CNP: variants seen among roughly 807,000 people sequenced by gnomAD.
CNP encodes the protein 2',3'-cyclic-nucleotide 3'-phosphodiesterase.
CNP carries 8 observed loss-of-function variants against 37.9 expected under a neutral mutation model. That is an observed-to-expected ratio of 0.21 (90% CI 0.12 to 0.38). The LOEUF is 0.38. Ranked by LOEUF, CNP falls within the 10% of genes least tolerant of loss-of-function variation. The pLI is 1.00. For missense variants in CNP, 457 were observed against 551.0 expected, an observed-to-expected ratio of 0.83 and a Z score of 1.71; for synonymous variants, 237 against 238.3, an observed-to-expected ratio of 0.99 and a Z score of 0.05.
At position 41,976,636 on chromosome 17, in the gene CNP, C is replaced by T. The variant is rs1204739083; in HGVS notation, c.*2712C>T. 7 of 1,510,442 alleles carry T rather than the reference C, an allele frequency of 4.6e-6. No individual in the cohort carries two copies. The Admixed American group carries it at 1.2e-4, about 26-fold the overall frequency. 93.6% of individuals were successfully genotyped at this position (1,510,442 alleles called of 1,614,324 possible). ...TGAGAAAACGAAACTGCTCTAAGCACACGGAGACGTGATGAAGGGAGGAGG... is the reference window on the plus strand; with the variant it reads ...TGAGAAAACGAAACTGCTCTAAGCATACGGAGACGTGATGAAGGGAGGAGG... On this transcript the variant is annotated 3_prime_UTR_variant, in exon 4 of 4. Transcript: ENST00000393892.
chr17:41,971,375 A>G (rs566237423), intron 2 of CNP: 1 of 154,092 alleles, frequency 6.5e-6, no homozygotes, highest in East Asian at 1.9e-4. Context: ...GATCTATACA[A>G]TGTAAAGCCA....
Position 41,974,214 on chromosome 17 carries a change from G to C in CNP, c.*290G>C. 4.1e-6 allele frequency: 1 copy of C among 241,722 alleles called. No individual in the cohort carries two copies. The highest frequency in any genetic ancestry group is 7.9e-6 in the Non-Finnish European group (1 of 126,060). The allele number at this position is 241,722 out of a possible 1,614,324, so 15.0% of individuals were successfully genotyped here. A position where few individuals can be genotyped will look rare whatever the true frequency, so the allele number is the denominator to read the frequency against. ...GGGATGGGGCCACAGCCAGAACCCC[G>C]AGCCCTACTTCCAGGTTCTGGTTAG... On this transcript the variant is annotated 3_prime_UTR_variant, in exon 4 of 4. Transcript: ENST00000393892.
At position 41,968,443 on chromosome 17, in the gene CNP, G is replaced by A. The variant is rs782697853; in HGVS notation, c.379G>A (p.Glu127Lys). 1.9e-6 allele frequency: 3 copies of A among 1,614,154 alleles called. No individual in the cohort carries two copies. The highest frequency in any genetic ancestry group is 1.7e-6 in the Non-Finnish European group (2 of 1,180,044). The change falls in exon 2 of 4, where the codon GAA becomes AAA. Residue 127 changes from glutamate to lysine, a missense_variant. Around this residue, in one of 2 missense-constraint regions of CNP, gnomAD observed 166 missense variants for 259.3 expected, o/e 0.64. Transcript: ENST00000393892. The surrounding 1 kb of genome is among the most constrained non-coding windows in gnomAD (Gnocchi z 4.8). ...RILVLDDTNH[E>K]RERLEQLFEM... is the part of the protein sequence containing the mutation. ...TCTTGTGCTTGATGACACCAACCAC[G>A]AACGGGAACGGCTGGAGCAGCTCTT...
chr17:41,977,693 G>A lies in CNP; in HGVS notation c.*3769G>A. 1 of 171,892 alleles carries A rather than the reference G, an allele frequency of 5.8e-6. No homozygotes were observed. The highest frequency in any genetic ancestry group is 1.2e-5 in the Non-Finnish European group (1 of 80,450). 10.6% of individuals were successfully genotyped at this position (171,892 alleles called of 1,614,324 possible). Reference sequence around the variant, plus strand: ...GAGCGGCTACTAAAAAGGATAAAATGTATCACTTAAATGTTACCAAAAATA... The same window carrying A: ...GAGCGGCTACTAAAAAGGATAAAATATATCACTTAAATGTTACCAAAAATA... On this transcript the variant is annotated 3_prime_UTR_variant, in exon 4 of 4. Transcript: ENST00000393892.
chr17:41,968,020 G>T lies in CNP; in HGVS notation c.4-48G>T. 6.4e-7 allele frequency: 1 copy of T among 1,570,830 alleles called. No individual in the cohort carries two copies. ...TAGGGACTAGGGGTAAGGCCGGCGGGGAGCCCGCGAATGACCTGGGCTGAC... is the reference window on the plus strand; with the variant it reads ...TAGGGACTAGGGGTAAGGCCGGCGGTGAGCCCGCGAATGACCTGGGCTGAC... On this transcript the variant is annotated intron_variant, in intron 1 of 3. Coordinates refer to ENST00000393892, the MANE Select transcript of CNP (RefSeq NM_033133.5). The surrounding 1 kb of genome is among the most constrained non-coding windows in gnomAD (Gnocchi z 4.8).
Position 41,976,451 on chromosome 17 carries a change from A to G in CNP, c.*2527A>G. ...GCAAAGGGCCAGGAAGGGTCAAAAC[A>G]TTTTATTCTCTTTTTTTTTTCTTTT... On this transcript the variant is annotated 3_prime_UTR_variant, in exon 4 of 4. Coordinates refer to ENST00000393892, the MANE Select transcript of CNP (RefSeq NM_033133.5). 1 of 384,468 alleles carries G rather than the reference A, an allele frequency of 2.6e-6. No individual in the cohort carries two copies. The allele number at this position is 384,468 out of a possible 1,614,324, so 23.8% of individuals were successfully genotyped here.
intron 3 of CNP, 21 bp from the exon 4 acceptor site, chr17:41,973,454 C>T (rs372905630): frequency 1.5e-5 from 24 of 1,599,072 alleles, no homozygotes; most frequent in Non-Finnish European, 2.0e-5. Context: ...AGCTTGGGCC[C>T]CTCTTTCTCA....
chr17:41,968,719 T>G lies in CNP; in HGVS notation c.655T>G (p.Phe219Val), dbSNP rs1555643330. The change falls in exon 2 of 4, where the codon TTC becomes GTC. Residue 219 changes from phenylalanine to valine, a missense_variant. By Grantham distance (50) the Phe-to-Val change is conservative. This residue lies in a region of CNP where 291 missense variants were observed against 291.7 expected (regional missense o/e 1.00). Coordinates refer to ENST00000393892, the MANE Select transcript of CNP (RefSeq NM_033133.5). This position sits in a 1 kb window ranked among gnomAD's most constrained non-coding sequence, Gnocchi z 4.8. ...FLEELGNHKAFKKELRQFVPG... is the reference protein window; with the variant it reads ...FLEELGNHKAVKKELRQFVPG... ...GGAAGAGCTGGGGAACCACAAGGCC[T>G]TCAAGAAGGAGCTGCGACAATGTAG... 6.2e-7 allele frequency: 1 copy of G among 1,611,004 alleles called. No homozygotes were observed. The highest frequency in any genetic ancestry group is 1.7e-5 in the Admixed American group (1 of 59,738).
At position 41,976,512 on chromosome 17, in the gene CNP, G is replaced by T; in HGVS notation, c.*2588G>T. ...TAAACAGTAAAACAAAAATTCACAA[G>T]CTGCCTCCCTGTCCACCCCCGCCTC... On this transcript the variant is annotated 3_prime_UTR_variant, in exon 4 of 4. Coordinates refer to ENST00000393892, the MANE Select transcript of CNP (RefSeq NM_033133.5). 1.9e-6 allele frequency: 1 copy of T among 519,666 alleles called. No homozygotes were observed. The highest frequency in any genetic ancestry group is 3.3e-6 in the Non-Finnish European group (1 of 300,314). The allele number at this position is 519,666 out of a possible 1,614,324, so 32.2% of individuals were successfully genotyped here.
Position 41,968,456 on chromosome 17 carries a change from T to G in CNP, c.392T>G (p.Leu131Arg). The G allele has an allele frequency of 6.2e-7, 1 of 1,614,136 alleles. No homozygotes were observed. The highest frequency in any genetic ancestry group is 8.5e-7 in the Non-Finnish European group (1 of 1,180,034). ...LDDTNHERER[L>R]EQLFEMADQY... is the part of the protein sequence containing the mutation. ...GACACCAACCACGAACGGGAACGGC[T>G]GGAGCAGCTCTTTGAAATGGCCGAC... Residue 131 changes from leucine (L) to arginine (R), a missense_variant, in exon 2 of 4, where the codon CTG (leucine) becomes CGG (arginine). Transcript: ENST00000393892. The surrounding 1 kb of genome is among the most constrained non-coding windows in gnomAD (Gnocchi z 4.8).
At position 41,974,581 on chromosome 17, in the gene CNP, G is replaced by A. The variant is rs1261104459; in HGVS notation, c.*657G>A. ...ATCAGTGTAGCCCCAAGAAGGCTGG[G>A]GCTATTTACCAGGGTAGAAAAAGGA... On this transcript the variant is annotated 3_prime_UTR_variant, in exon 4 of 4. Transcript: ENST00000393892. 6.6e-6 allele frequency: 1 copy of A among 152,298 alleles called. No homozygotes were observed. The highest frequency in any genetic ancestry group is 1.5e-5 in the Non-Finnish European group (1 of 68,122). The allele number at this position is 152,298 out of a possible 1,614,324, so 9.4% of individuals were successfully genotyped here. A position where few individuals can be genotyped will look rare whatever the true frequency, so the allele number is the denominator to read the frequency against.
chr17:41,972,578 C>G (rs1310641197), intron 3 of CNP, among the ~76,000 whole-genome samples: 1 of 152,312 alleles, frequency 6.6e-6, no homozygotes, highest in African/African-American at 2.4e-5. Flanking sequence ...CACCCATATC[C>G]ACAGTCTCCA....
chr17:41,969,940 G>A (rs1275164592), intron 2 of CNP, among the ~76,000 whole-genome samples: 2 of 152,302 alleles, frequency 1.3e-5, no homozygotes, highest in Non-Finnish European at 2.9e-5. Flanking sequence ...CAGAAGCAGG[G>A]AATTTGTGCC....
Position 41,973,477 on chromosome 17 carries a change from G to T in CNP, c.819G>T (p.Val273=), listed in dbSNP as rs782368828. ...PGAEEYAQQD[V]LKKSYSKAFT... Reference sequence around the variant, plus strand: ...CCCCTCTTTCTCACTCTCCCCAGGTGTTAAAGAAATCTTACTCCAAGGCCT... The same window carrying T: ...CCCCTCTTTCTCACTCTCCCCAGGTTTTAAAGAAATCTTACTCCAAGGCCT... Residue 273 remains valine (V), a splice_region_variant and synonymous_variant, in exon 4 of 4, where the codon GTG becomes GTT. Coordinates refer to ENST00000393892, the MANE Select transcript of CNP (RefSeq NM_033133.5). The T allele has an allele frequency of 6.2e-7, 1 of 1,613,054 alleles. No individual in the cohort carries two copies. The highest frequency in any genetic ancestry group is 1.7e-5 in the Admixed American group (1 of 59,944).
intron 3 of CNP, 52 bp from the exon 4 acceptor site, chr17:41,973,422 TC>T: frequency 1.3e-6 from 2 of 1,542,812 alleles, no homozygotes; most frequent in Non-Finnish European, 8.8e-7. Context: ...GGTCAGCTGT[TC>T]CTCAAGAGCC....
rs961100062 is a variant in CNP at position 41,974,116 on chromosome 17, C to T, written c.*192C>T. ...GCCCTCTTCCCCTCTAATGCTCACG[C>T]TCCCAACACAAGGTGGGCAGGGAGG... is the stretch of plus-strand genomic sequence containing the variant. On this transcript the variant is annotated 3_prime_UTR_variant, in exon 4 of 4. Transcript: ENST00000393892. 2.2e-5 allele frequency: 10 copies of T among 461,886 alleles called. No individual in the cohort carries two copies. Among genetic ancestry groups the T allele is most frequent in the Non-Finnish European group, 1.1e-5 (3 of 278,132 alleles). 28.6% of individuals were successfully genotyped at this position (461,886 alleles called of 1,614,324 possible). A position where few individuals can be genotyped will look rare whatever the true frequency, so the allele number is the denominator to read the frequency against.
rs373758841 is a variant in CNP at position 41,974,657 on chromosome 17, A to T, written c.*733A>T. ...GTCCCTGCCCCCTCCCCTTCACACC[A>T]TAACTAGGTAACAGTTTGATAACTA... On this transcript the variant is annotated 3_prime_UTR_variant, in exon 4 of 4. Transcript: ENST00000393892. 7.9e-5 allele frequency: 12 copies of T among 152,424 alleles called. No individual in the cohort carries two copies. The highest frequency in any genetic ancestry group is 2.9e-4 in the African/African-American group (12 of 41,576). 9.4% of individuals were successfully genotyped at this position (152,424 alleles called of 1,614,324 possible).
In CNP at chr17:41,974,084, C is replaced by A; in HGVS notation, c.*160C>A. On this transcript the variant is annotated 3_prime_UTR_variant, in exon 4 of 4. Coordinates refer to ENST00000393892, the MANE Select transcript of CNP (RefSeq NM_033133.5). ...CTTGTAAAATAACTGACCCTCCCTT[C>A]CTGTCCGCCCTCTTCCCCTCTAATG... The A allele has an allele frequency of 1.7e-6, 1 of 586,390 alleles. No individual in the cohort carries two copies. The highest frequency in any genetic ancestry group is 3.9e-5 in the South Asian group (1 of 25,766). 36.3% of individuals were successfully genotyped at this position (586,390 alleles called of 1,614,324 possible). A position where few individuals can be genotyped will look rare whatever the true frequency, so the allele number is the denominator to read the frequency against.
rs577501094 is a variant in CNP, at chr17:41,974,114, C to T, written c.*190C>T. 49 of 483,082 alleles carry T rather than the reference C, an allele frequency of 1.0e-4. No homozygotes were observed. The highest frequency in any genetic ancestry group is 8.2e-4 in the South Asian group (15 of 18,384). 29.9% of individuals were successfully genotyped at this position (483,082 alleles called of 1,614,324 possible). ...CCGCCCTCTTCCCCTCTAATGCTCA[C>T]GCTCCCAACACAAGGTGGGCAGGGA... On this transcript the variant is annotated 3_prime_UTR_variant, in exon 4 of 4. Coordinates refer to ENST00000393892, the MANE Select transcript of CNP (RefSeq NM_033133.5).
Sources: gnomAD v4.1 joint callset for allele counts (sites outside exome capture counted in the v4.1 genomes callset) on GRCh38, gnomAD v4.1.1 for gene constraint, gnomAD v4.1.1 regional missense constraint, Gnocchi (gnomAD v3.1) non-coding constraint, MANE v1.5 for transcripts, NCBI Gene and HGNC (gene_info 2026-07-23, HGNC 2026-07-21) for gene names.